GALNT1: variants seen among roughly 807,000 people sequenced by gnomAD.
The protein encoded by GALNT1 is GalNAc transferase 1.
GALNT1 carries 17 observed loss-of-function variants against 65.7 expected under a neutral mutation model. That is an observed-to-expected ratio of 0.26 (90% CI 0.18 to 0.39). The LOEUF (loss-of-function observed/expected upper bound fraction) is 0.39. Ranked by LOEUF, GALNT1 falls within the 10% of genes least tolerant of loss-of-function variation. The pLI is 1.00. For synonymous variants in GALNT1, 210 were observed against 219.7 expected, an observed-to-expected ratio of 0.96 and a Z score of 0.39; for missense variants, 460 against 672.8, an observed-to-expected ratio of 0.68 and a Z score of 3.50.
chr18:35,686,991 TCTTAA>T lies in GALNT1; in HGVS notation c.690-21_690-17del, dbSNP rs759307507. The stretch of plus-strand genomic sequence containing the variant: ...TTAAACAGGAATGTTTTGAAAGATT[TCTTAA>T]CTTGCTTTTATGACATCAGGAGAAC... On this transcript the variant is annotated intron_variant, in intron 5 of 11. Transcript: ENST00000269195. 2 of 1,590,678 alleles carry T rather than the reference TCTTAA, an allele frequency of 1.3e-6. No homozygotes were observed. Among genetic ancestry groups the T allele is most frequent in the South Asian group, 1.1e-5 (1 of 87,202 alleles).
At chr18:35,677,825 T>A in intron 4 of GALNT1, 68 bp downstream of exon 4, 1 of 1,151,926 alleles carries the variant, frequency 8.7e-7, no homozygotes, top group Admixed American at 2.5e-5. Context: ...AACTAGTTGC[T>A]ATAATTTTTA....
chr18:35,668,154 C>T (rs1008562952), intron 3 of GALNT1, among the ~76,000 whole-genome samples: 6 of 151,850 alleles, frequency 4.0e-5, no homozygotes, highest in Middle Eastern at 3.4e-3. Flanking sequence ...AGAAAAGGAA[C>T]ACATTAAAGA....
At chr18:35,704,497 A>G (rs115399878) in intron 11 of GALNT1, among the ~76,000 whole-genome samples, 12,382 of 151,776 alleles carry the variant, frequency 0.082, 560 homozygotes, top group African/African-American at 0.12. Context: ...TTGTGGAGAC[A>G]GAGTTTCACC....
chr18:35,613,806 G>A (rs12960223), intron 1 of GALNT1, among the ~76,000 whole-genome samples: 6 of 151,932 alleles, frequency 3.9e-5, no homozygotes, highest in Non-Finnish European at 5.9e-5. Flanking sequence ...AACCTTCCCC[G>A]AAAAATTATA....
At chr18:35,613,377 C>A (rs2046742761) in intron 1 of GALNT1, among the ~76,000 whole-genome samples, 1 of 152,142 alleles carries the variant, frequency 6.6e-6, no homozygotes, top group Non-Finnish European at 1.5e-5. Flanking sequence ...AAAGGTCCCA[C>A]ATTATGAAAT....
chr18:35,594,831 G>A (rs1327958565), intron 1 of GALNT1, among the ~76,000 whole-genome samples: 1 of 152,154 alleles, frequency 6.6e-6, no homozygotes, highest in Admixed American at 6.5e-5. Context: ...TTATGCCTGG[G>A]TTTGGTTTTG....
At chr18:35,597,236 G>A (rs1008158457) in intron 1 of GALNT1, 2 of 152,138 alleles carry the variant, frequency 1.3e-5, no homozygotes, top group Non-Finnish European at 2.9e-5. Context: ...ATGTACCAGG[G>A]GTGAGAGTAG....
intron 6 of GALNT1, among the ~76,000 whole-genome samples, chr18:35,688,971 G>T (rs1339552662): frequency 6.6e-6 from 1 of 152,204 alleles, no homozygotes; most frequent in East Asian, 1.9e-4. Flanking sequence ...CAGTCAGCAT[G>T]ACCATGGTGC....
At chr18:35,704,311 C>CTTTT (rs111370047) in intron 11 of GALNT1, among the ~76,000 whole-genome samples, 1 of 141,082 alleles carries the variant, frequency 7.1e-6, no homozygotes, top group African/African-American at 2.6e-5. Flanking sequence ...AAACAGATGA[C>CTTTT]TTTTTTTTTT....
chr18:35,652,820 A>T (rs918096715), intron 1 of GALNT1, among the ~76,000 whole-genome samples: 2 of 152,162 alleles, frequency 1.3e-5, no homozygotes, highest in Non-Finnish European at 2.9e-5. Context: ...ACCCTTGCGA[A>T]ACTTAAGTAG....
Position 35,663,982 on chromosome 18 carries a change from A to G in GALNT1, c.314+180A>G, listed in dbSNP as rs563275300. ...ATAATATCTCAAGCTTCTACTGATT[A>G]TTAGCACTATGTATTTCAGGCATTG... On this transcript the variant is annotated intron_variant, in intron 3 of 11. Transcript: ENST00000269195. The G allele has an allele frequency of 1.6e-5, 9 of 566,888 alleles. No homozygotes were observed. The Admixed American group carries it at 3.2e-4, about 20-fold the overall frequency. The allele number at this position is 566,888 out of a possible 1,614,324, so 35.1% of individuals were successfully genotyped here. A position where few individuals can be genotyped will look rare whatever the true frequency, so the allele number is the denominator to read the frequency against.
intron 8 of GALNT1, among the ~76,000 whole-genome samples, chr18:35,691,868 T>G (rs1050140187): frequency 3.9e-5 from 6 of 152,244 alleles, no homozygotes; most frequent in Non-Finnish European, 8.8e-5. Flanking sequence ...ACAATTGCTC[T>G]GTTTAATATT....
intron 1 of GALNT1, among the ~76,000 whole-genome samples, chr18:35,584,689 C>G (rs192648261): frequency 2.6e-5 from 4 of 152,308 alleles, no homozygotes; most frequent in Admixed American, 2.6e-4. Context: ...GGGATGAAAC[C>G]GTTACACCTC....
At chr18:35,631,720 G>C (rs546814513) in intron 1 of GALNT1, among the ~76,000 whole-genome samples, 1 of 152,234 alleles carries the variant, frequency 6.6e-6, no homozygotes, top group South Asian at 2.1e-4. Flanking sequence ...AATCAGGCAG[G>C]AGAAAGAAAT....
intron 11 of GALNT1, among the ~76,000 whole-genome samples, chr18:35,707,960 C>T (rs1214454783): frequency 1.3e-5 from 2 of 152,202 alleles, no homozygotes; most frequent in Non-Finnish European, 2.9e-5. Flanking sequence ...ATAAGCATTA[C>T]TCTATAAATG....
At chr18:35,627,691 C>G (rs533255405) in intron 1 of GALNT1, among the ~76,000 whole-genome samples, 2 of 152,020 alleles carry the variant, frequency 1.3e-5, no homozygotes, top group African/African-American at 4.8e-5. Context: ...ACTGAGGTAC[C>G]GGGTTCATAT....
intron 1 of GALNT1, among the ~76,000 whole-genome samples, chr18:35,619,443 C>CT (rs2046824463): frequency 1.3e-5 from 2 of 152,028 alleles, no homozygotes; most frequent in Admixed American, 1.3e-4. Context: ...TACTACTGTC[C>CT]TTTGAGATTT....
At chr18:35,686,341 T>C (rs1462167631) in intron 5 of GALNT1, among the ~76,000 whole-genome samples, 2 of 152,300 alleles carry the variant, frequency 1.3e-5, no homozygotes, top group East Asian at 1.9e-4. Flanking sequence ...TTTGAGAGAC[T>C]GTACAGGCCG....
intron 11 of GALNT1, among the ~76,000 whole-genome samples, chr18:35,705,233 C>A (rs1384231012): frequency 1.3e-5 from 2 of 152,176 alleles, no homozygotes; most frequent in Non-Finnish European, 2.9e-5. Context: ...CTCTGCCTGA[C>A]ACACCTTACC....
Sources: gnomAD v4.1 joint callset for allele counts (sites outside exome capture counted in the v4.1 genomes callset) on GRCh38, gnomAD v4.1.1 for gene constraint, MANE v1.5 for transcripts, NCBI Gene and HGNC (gene_info 2026-07-23, HGNC 2026-07-21) for gene names.